The following CACNA2D3 variants were observed in gnomAD, a reference collection of about 807,000 sequenced individuals.
CACNA2D3 encodes voltage-dependent calcium channel subunit alpha-2/delta-3.
CACNA2D3 carries 60 observed loss-of-function variants against 160.6 expected under a neutral mutation model. That is an observed-to-expected ratio of 0.37 (90% confidence interval 0.30 to 0.46). The LOEUF is 0.46. Among genes scored for constraint, CACNA2D3 ranks in the 20% least tolerant of loss-of-function variants. The pLI, the probability that CACNA2D3 is intolerant of heterozygous loss-of-function variation, is 1.00. For missense variants in CACNA2D3, 1,205 were observed against 1,365.0 expected (o/e 0.88, Z 1.85); for synonymous variants, 558 against 492.9 (o/e 1.13, Z -1.75).
intron 35 of CACNA2D3, among the ~76,000 whole-genome samples, chr3:55,063,285 C>A (rs1309661351): frequency 6.6e-6 from 1 of 151,778 alleles, no homozygotes. Context: ...GGCATTTCAG[C>A]AAGATCCTCA....
rs541287647 is a variant in CACNA2D3, at chr3:54,945,216, A to G, written c.2450-23234A>G. 4.6e-5 allele frequency among the ~76,000 whole-genome samples: 7 copies of G among 152,254 alleles called. No individual in the cohort carries two copies. In the South Asian group the frequency reaches 8.3e-4, roughly 18 times the overall value. The stretch of plus-strand genomic sequence containing the variant: ...TGAACATTAGCAGTTTTTCAGGAAT[A>G]TATAAGTTGGTGTCTGTGGCATGTG... On this transcript the variant is annotated intron_variant, in intron 27 of 37. Transcript: ENST00000474759.
chr3:54,536,780 C>T (rs1181977852), intron 5 of CACNA2D3, among the ~76,000 whole-genome samples: 1 of 152,186 alleles, frequency 6.6e-6, no homozygotes, highest in East Asian at 1.9e-4. Context: ...TCCTCTGTCT[C>T]TTTCTCTCAC....
intron 2 of CACNA2D3, among the ~76,000 whole-genome samples, chr3:54,132,288 G>T (rs60067502): frequency 0.026 from 3,980 of 152,218 alleles, 152 homozygotes; most frequent in African/African-American, 0.089. Flanking sequence ...TACGAAATTC[G>T]CACACCAACT....
intron 17 of CACNA2D3, among the ~76,000 whole-genome samples, chr3:54,867,773 C>A (rs1480753552): frequency 6.6e-6 from 1 of 152,196 alleles, no homozygotes; most frequent in African/African-American, 2.4e-5. Flanking sequence ...CTTAGCAACT[C>A]CTCTTTTCCT....
intron 2 of CACNA2D3, among the ~76,000 whole-genome samples, chr3:54,307,062 A>C (rs1369125668): frequency 2.6e-5 from 4 of 152,024 alleles, no homozygotes; most frequent in Non-Finnish European, 4.4e-5. Context: ...CCGACTCCAG[A>C]CTGGCTCATT....
intron 3 of CACNA2D3, among the ~76,000 whole-genome samples, chr3:54,352,785 T>A (rs2107534598): frequency 6.6e-6 from 1 of 152,320 alleles, no homozygotes; most frequent in Admixed American, 6.5e-5. Flanking sequence ...CTTCCAGAAG[T>A]CTTGGGATAC....
At chr3:54,646,898 C>G (rs1217403075) in intron 11 of CACNA2D3, among the ~76,000 whole-genome samples, 2 of 152,062 alleles carry the variant, frequency 1.3e-5, no homozygotes, top group Admixed American at 1.3e-4. Flanking sequence ...ATTGAGAATC[C>G]TGGAAAGAGG....
At chr3:54,685,724 G>C (rs1445077315) in intron 11 of CACNA2D3, among the ~76,000 whole-genome samples, 1 of 152,192 alleles carries the variant, frequency 6.6e-6, no homozygotes, top group Non-Finnish European at 1.5e-5. Context: ...CTAGCTATTA[G>C]TACAGACAAC....
intron 2 of CACNA2D3, among the ~76,000 whole-genome samples, chr3:54,198,120 G>A (rs1472620059): frequency 6.6e-6 from 1 of 152,170 alleles, no homozygotes; most frequent in Non-Finnish European, 1.5e-5. Flanking sequence ...AGATCTAAAA[G>A]GCTGGTTCTG....
intron 27 of CACNA2D3, among the ~76,000 whole-genome samples, chr3:54,947,048 C>T (rs1701633947): frequency 6.6e-6 from 1 of 152,120 alleles, no homozygotes; most frequent in African/African-American, 2.4e-5. Flanking sequence ...TCTGGAACCC[C>T]ATAATGAAAG....
intron 4 of CACNA2D3, among the ~76,000 whole-genome samples, chr3:54,476,550 C>A (rs1033941081): frequency 6.6e-6 from 1 of 152,124 alleles, no homozygotes; most frequent in South Asian, 2.1e-4. Flanking sequence ...CCTTTTCTCC[C>A]CCTCCATGCC....
At chr3:54,989,153 G>A (rs185187522) in intron 31 of CACNA2D3, among the ~76,000 whole-genome samples, 1 of 152,278 alleles carries the variant, frequency 6.6e-6, no homozygotes, top group African/African-American at 2.4e-5. Context: ...CAACTTGGTG[G>A]GGGGAGGAGA....
intron 27 of CACNA2D3, among the ~76,000 whole-genome samples, chr3:54,961,025 C>G (rs1012349187): frequency 6.6e-6 from 1 of 152,160 alleles, no homozygotes; most frequent in African/African-American, 2.4e-5. Context: ...AAATGACATT[C>G]AGATTCGTTG....
At chr3:54,881,897 C>T (rs1699806526) in intron 21 of CACNA2D3, among the ~76,000 whole-genome samples, 1 of 152,220 alleles carries the variant, frequency 6.6e-6, no homozygotes, top group South Asian at 2.1e-4. Flanking sequence ...CGCCAAACCC[C>T]TAGATAGCCT....
intron 35 of CACNA2D3, among the ~76,000 whole-genome samples, chr3:55,065,106 A>G (rs1704605838): frequency 6.6e-6 from 1 of 152,172 alleles, no homozygotes; most frequent in South Asian, 2.1e-4. Flanking sequence ...TTTGATTCAC[A>G]AAGGGGTGCC....
intron 35 of CACNA2D3, among the ~76,000 whole-genome samples, chr3:55,037,162 A>T (rs1703838253): frequency 1.3e-5 from 2 of 151,958 alleles, no homozygotes; most frequent in South Asian, 4.1e-4. Flanking sequence ...TGAACAAATA[A>T]GACAAAAGAA....
At chr3:54,507,532 AGACACT>A (rs1701390509) in intron 5 of CACNA2D3, among the ~76,000 whole-genome samples, 4 of 152,140 alleles carry the variant, frequency 2.6e-5, no homozygotes, top group African/African-American at 9.7e-5. Context: ...TTGGTGTGGA[AGACACT>A]GACACCTGTG....
chr3:54,178,670 C>T (rs755134629), intron 2 of CACNA2D3, among the ~76,000 whole-genome samples: 3 of 152,236 alleles, frequency 2.0e-5, no homozygotes, highest in African/African-American at 4.8e-5. Context: ...TTTAACAGAA[C>T]AGTTGGTCAG....
chr3:54,590,991 C>T (rs1049256826), intron 9 of CACNA2D3, among the ~76,000 whole-genome samples: 2 of 152,042 alleles, frequency 1.3e-5, no homozygotes, highest in African/African-American at 4.8e-5. Flanking sequence ...TGGAGAAAAG[C>T]TCAGACGACA....
Sources: allele counts gnomAD v4.1 joint callset (sites outside exome capture counted in the v4.1 genomes callset), GRCh38; gene constraint gnomAD v4.1.1; transcripts MANE v1.5; gene names NCBI Gene and HGNC (gene_info 2026-07-23, HGNC 2026-07-21).